DCC: variants seen among roughly 807,000 people sequenced by gnomAD.
DCC encodes the protein DCC netrin 1 receptor.
In DCC, 58 loss-of-function variants were observed where a neutral mutation model predicts 172.5. The ratio of observed to expected loss-of-function variants is 0.34; its 90% CI spans 0.27 to 0.42. The LOEUF (loss-of-function observed/expected upper bound fraction) is 0.42. Among genes scored for constraint, DCC ranks in the 10% least tolerant of loss-of-function variants. The pLI is 1.00. For missense variants in DCC, 1,740 were observed against 1,791.0 expected (o/e 0.97, Z 0.51); for synonymous variants, 709 against 644.5 (o/e 1.10, Z -1.52).
At chr18:53,083,496 G>A (rs1479856507) in intron 7 of DCC, among the ~76,000 whole-genome samples, 1 of 152,100 alleles carries the variant, frequency 6.6e-6, no homozygotes, top group African/African-American at 2.4e-5. Flanking sequence ...TTGACTATTT[G>A]TTAGATTCAT....
chr18:53,066,556 T>C (rs1462322270), intron 7 of DCC, among the ~76,000 whole-genome samples: 1 of 150,590 alleles, frequency 6.6e-6, no homozygotes, highest in Non-Finnish European at 1.5e-5. Context: ...CTTCCCAGCA[T>C]TCCATTTAAA....
At chr18:52,981,923 ATAGAAT>A (rs1450869697) in intron 5 of DCC, among the ~76,000 whole-genome samples, 1 of 152,100 alleles carries the variant, frequency 6.6e-6, no homozygotes, top group Non-Finnish European at 1.5e-5. Flanking sequence ...TGAAAGAAAA[ATAGAAT>A]TAGGATAGAA....
chr18:53,029,776 C>T (rs2042003979), intron 5 of DCC, among the ~76,000 whole-genome samples: 1 of 152,130 alleles, frequency 6.6e-6, no homozygotes, highest in Non-Finnish European at 1.5e-5. Context: ...TCCCATGTGG[C>T]TTGGTAAGGC....
chr18:52,724,358 G>A lies in DCC; in HGVS notation c.92-27696G>A, dbSNP rs112489496. Among the ~76,000 whole-genome samples the A allele has an allele frequency of 3.3e-3, 495 of 151,834 alleles. 2 individuals carry two copies. The highest frequency in any genetic ancestry group is 0.011 in the African/African-American group (458 of 41,414). On this transcript the variant is annotated intron_variant, in intron 1 of 28. Coordinates refer to ENST00000442544, the MANE Select transcript of DCC (RefSeq NM_005215.4). Reference sequence around the variant, plus strand: ...GAGATAAGGTCTTACTATGTTGCCCGGGCTGGTCTCAAATTCCTGGGCTCA... The same window carrying A: ...GAGATAAGGTCTTACTATGTTGCCCAGGCTGGTCTCAAATTCCTGGGCTCA...
rs1325122130 is a variant in DCC, at chr18:53,530,987, T to A, written c.*334T>A. The A allele has an allele frequency of 4.9e-6, 2 of 410,740 alleles. No homozygotes were observed. The highest frequency in any genetic ancestry group is 9.2e-6 in the Non-Finnish European group (2 of 218,102). The allele number at this position is 410,740 out of a possible 1,614,324, so 25.4% of individuals were successfully genotyped here. A position where few individuals can be genotyped will look rare whatever the true frequency, so the allele number is the denominator to read the frequency against. On this transcript the variant is annotated 3_prime_UTR_variant, in exon 29 of 29. Transcript: ENST00000442544. ...TAACTAATACCTATGTTTTCCTTTGTCAAGGCCTGTTGTTTAATGTGTAGG... is the reference window on the plus strand; with the variant it reads ...TAACTAATACCTATGTTTTCCTTTGACAAGGCCTGTTGTTTAATGTGTAGG...
chr18:53,015,719 T>C (rs1363469322), intron 5 of DCC, among the ~76,000 whole-genome samples: 2 of 152,116 alleles, frequency 1.3e-5, no homozygotes, highest in Admixed American at 1.3e-4. Flanking sequence ...TACTTTACCA[T>C]ATGATGAACA....
chr18:53,478,974 T>C (rs1023379590), intron 25 of DCC, among the ~76,000 whole-genome samples: 2 of 152,190 alleles, frequency 1.3e-5, no homozygotes, highest in Admixed American at 1.3e-4. Flanking sequence ...CTAAGATTGG[T>C]CCCAGCTCAA....
At chr18:52,613,332 C>T (rs1437638074) in intron 1 of DCC, among the ~76,000 whole-genome samples, 1 of 151,984 alleles carries the variant, frequency 6.6e-6, no homozygotes, top group Non-Finnish European at 1.5e-5. Context: ...CTCAGCTCAC[C>T]GCAAGCTCCG....
chr18:52,487,516 G>A (rs909415553), intron 1 of DCC, among the ~76,000 whole-genome samples: 4 of 151,956 alleles, frequency 2.6e-5, no homozygotes, highest in Non-Finnish European at 4.4e-5. Flanking sequence ...AAGAATAAAC[G>A]TTAGAGGAAG....
chr18:53,202,676 C>T (rs950233319), intron 9 of DCC, among the ~76,000 whole-genome samples: 9 of 152,150 alleles, frequency 5.9e-5, no homozygotes, highest in Middle Eastern at 3.4e-3. Flanking sequence ...GCTGGGAAGG[C>T]GTAGGGGACC....
chr18:52,898,588 A>G (rs2039765729), intron 2 of DCC, among the ~76,000 whole-genome samples: 1 of 152,124 alleles, frequency 6.6e-6, no homozygotes, highest in South Asian at 2.1e-4. Flanking sequence ...CTTGGGTGGA[A>G]GGGTAGGGAG....
rs532552354 is a variant in DCC at position 53,000,393 on chromosome 18, C to T, written c.986-62912C>T. Among the ~76,000 whole-genome samples, 13 of 151,866 alleles carry T rather than the reference C, an allele frequency of 8.6e-5. No individual in the cohort carries two copies. In the South Asian group the frequency reaches 1.5e-3, roughly 17 times the overall value. On this transcript the variant is annotated intron_variant, in intron 5 of 28. Coordinates refer to ENST00000442544, the MANE Select transcript of DCC (RefSeq NM_005215.4). ...TCCCTCATTACTTGCCTTGAAATGG[C>T]GGGGGTTGTAAGGAGGGATTGGGAA... is the stretch of plus-strand genomic sequence containing the variant.
Position 52,548,674 on chromosome 18 carries a change from C to T in DCC, c.92-203380C>T, listed in dbSNP as rs187158779. 9.2e-5 allele frequency among the ~76,000 whole-genome samples: 14 copies of T among 152,206 alleles called. No homozygotes were observed. The East Asian group carries it at 1.9e-3, about 21-fold the overall frequency. On this transcript the variant is annotated intron_variant, in intron 1 of 28. Coordinates refer to ENST00000442544, the MANE Select transcript of DCC (RefSeq NM_005215.4). ...AAGGCACAGCCAATACAGGCATCAGCGAAATCTCCCAGAACCCCAGCCTGG... is the reference window on the plus strand; with the variant it reads ...AAGGCACAGCCAATACAGGCATCAGTGAAATCTCCCAGAACCCCAGCCTGG...
intron 1 of DCC, among the ~76,000 whole-genome samples, chr18:52,360,933 T>C (rs1984591151): frequency 6.6e-6 from 1 of 152,208 alleles, no homozygotes; most frequent in African/African-American, 2.4e-5. Flanking sequence ...GACCCATCTA[T>C]GAATGCACAG....
At chr18:53,226,948 A>ATATATATATTTT in intron 12 of DCC, among the ~76,000 whole-genome samples, 2 of 52,950 alleles carry the variant, frequency 3.8e-5, no homozygotes, top group Non-Finnish European at 4.0e-5. Context: ...ATATATATAT[A>ATATATATATTTT]TTTTTTTTTT....
rs58797605 is a variant in DCC at position 53,047,428 on chromosome 18, CATATATATATATATAT to C, written c.986-15857_986-15842del. Among the ~76,000 whole-genome samples, 63 of 50,050 alleles carry C rather than the reference CATATATATATATATAT, an allele frequency of 1.3e-3. 2 individuals carry two copies. Among genetic ancestry groups the C allele is most frequent in the South Asian group, 1.7e-3 (2 of 1,180 alleles). 32.8% of individuals were successfully genotyped at this position (50,050 alleles called of 152,430 possible). ...TATATTTTATGTATTATATATTTTA[CATATATATATATATAT>C]ATATATATATATATATATACCATTT... On this transcript the variant is annotated intron_variant, in intron 5 of 28. Coordinates refer to ENST00000442544, the MANE Select transcript of DCC (RefSeq NM_005215.4).
At chr18:52,608,086 C>T (rs1301832148) in intron 1 of DCC, among the ~76,000 whole-genome samples, 1 of 152,050 alleles carries the variant, frequency 6.6e-6, no homozygotes, top group African/African-American at 2.4e-5. Context: ...TTCTGATGCT[C>T]TATCTCCCTT....
chr18:53,182,567 C>G (rs2055213185), intron 9 of DCC, among the ~76,000 whole-genome samples: 1 of 152,204 alleles, frequency 6.6e-6, no homozygotes, highest in African/African-American at 2.4e-5. Flanking sequence ...ACTAAACTCA[C>G]TTGCCGTCTT....
At chr18:52,629,521 CAAGT>C (rs2034634863) in intron 1 of DCC, among the ~76,000 whole-genome samples, 2 of 152,176 alleles carry the variant, frequency 1.3e-5, no homozygotes, top group Admixed American at 1.3e-4. Context: ...TCTAATTTAA[CAAGT>C]AAGAGAGGGC....
Sources: gnomAD v4.1 joint callset for allele counts (sites outside exome capture counted in the v4.1 genomes callset) on GRCh38, gnomAD v4.1.1 for gene constraint, MANE v1.5 for transcripts, NCBI Gene and HGNC (gene_info 2026-07-23, HGNC 2026-07-21) for gene names.